The following SIPA1 variants were observed in gnomAD, a reference collection of about 807,000 sequenced individuals.
The protein encoded by SIPA1 is signal-induced proliferation-associated protein 1.
A neutral mutation model predicts 88.1 loss-of-function variants in SIPA1; 51 were observed. The observed-to-expected ratio is 0.58, with a 90% CI of 0.46 to 0.73. The LOEUF is 0.73. Among genes scored for constraint, SIPA1 ranks in the 30% least tolerant of loss-of-function variants. The pLI is 0.00. For synonymous variants in SIPA1, 681 were observed against 664.8 expected, an observed-to-expected ratio of 1.02 and a Z score of -0.37; for missense variants, 1,348 against 1,467.6, an observed-to-expected ratio of 0.92 and a Z score of 1.33.
At position 65,646,233 on chromosome 11, in the gene SIPA1, C is replaced by A. The variant is rs765842608; in HGVS notation, c.1276C>A (p.Arg426Ser). 3.7e-6 allele frequency: 6 copies of A among 1,613,928 alleles called. No homozygotes were observed. Among genetic ancestry groups the A allele is most frequent in the Non-Finnish European group, 5.1e-6 (6 of 1,179,998 alleles). The change falls in exon 7 of 16, where the codon CGC (arginine) becomes AGC (serine). Residue 426 changes from arginine (R) to serine (S), a missense_variant. Physicochemically the swap from Arg to Ser is moderately radical, Grantham distance 110 (BLOSUM62 -1). Around this residue, in one of 4 missense-constraint regions of SIPA1, gnomAD observed 641 missense variants for 797.7 expected, o/e 0.80. Coordinates refer to ENST00000534313, the MANE Select transcript of SIPA1 (RefSeq NM_006747.4). The surrounding 1 kb of genome is among the most constrained non-coding windows in gnomAD (Gnocchi z 7.5). ...ATCCAACCCCTAGCTCCTCCGGAAG[C>A]GCCACATTGGCAACGACATTGTGAC... ...PNNQQQLLRKRHIGNDIVTIV... is the reference protein window; with the variant it reads ...PNNQQQLLRKSHIGNDIVTIV...
Position 65,647,093 on chromosome 11 carries a change from C to T in SIPA1, c.2031+28C>T, listed in dbSNP as rs1397613889. On this transcript the variant is annotated intron_variant, in intron 8 of 15. Transcript: ENST00000534313. Reference sequence around the variant, plus strand: ...GAGCTGGAGTGGTAAACTGGGGCCCCTGCGCGCGGCGGGGCGGAGCCTGCT... The same window carrying T: ...GAGCTGGAGTGGTAAACTGGGGCCCTTGCGCGCGGCGGGGCGGAGCCTGCT... 4 of 1,476,060 alleles carry T rather than the reference C, an allele frequency of 2.7e-6. No homozygotes were observed. In the African/African-American group the frequency reaches 4.3e-5, roughly 16 times the overall value. The allele number at this position is 1,476,060 out of a possible 1,614,324, so 91.4% of individuals were successfully genotyped here.
In SIPA1 at chr11:65,642,406, G is replaced by A. The variant is rs750304375; in HGVS notation, c.807+29G>A. 1.9e-6 allele frequency: 3 copies of A among 1,594,554 alleles called. No homozygotes were observed. The highest frequency in any genetic ancestry group is 1.1e-5 in the South Asian group (1 of 89,548). On this transcript the variant is annotated intron_variant, in intron 3 of 15. Coordinates refer to ENST00000534313, the MANE Select transcript of SIPA1 (RefSeq NM_006747.4). The surrounding 1 kb of genome is among the most constrained non-coding windows in gnomAD (Gnocchi z 6.5). Reference sequence around the variant, plus strand: ...GGCCGGGATCGCGGGATCAGGACGTGGGTTGCCTCCCCGACACCTTGTATG... The same window carrying A: ...GGCCGGGATCGCGGGATCAGGACGTAGGTTGCCTCCCCGACACCTTGTATG...
intron 5 of SIPA1, among the ~76,000 whole-genome samples, chr11:65,645,498 C>T (rs1266640767): frequency 1.3e-5 from 2 of 152,122 alleles, no homozygotes; most frequent in South Asian, 2.1e-4. Flanking sequence ...CTGCTTTTCA[C>T]TTTCCCAGCA....
At position 65,647,360 on chromosome 11, in the gene SIPA1, C is replaced by A. The variant is rs1430030783; in HGVS notation, c.2032-24C>A. 6.5e-6 allele frequency: 9 copies of A among 1,390,046 alleles called. No individual in the cohort carries two copies. The South Asian group carries it at 1.4e-4, about 22-fold the overall frequency. The allele number at this position is 1,390,046 out of a possible 1,614,324, so 86.1% of individuals were successfully genotyped here. On this transcript the variant is annotated intron_variant, in intron 8 of 15. Coordinates refer to ENST00000534313, the MANE Select transcript of SIPA1 (RefSeq NM_006747.4). ...CGGCCCCACCTCCCGGCAGCCCCGC[C>A]CACTCGTCCCGCCCCGTCCGCAGCT...
In SIPA1 at chr11:65,642,624, A is replaced by G. The variant is rs1324345450; in HGVS notation, c.969A>G (p.Thr323=). 4 of 1,571,540 alleles carry G rather than the reference A, an allele frequency of 2.5e-6. No individual in the cohort carries two copies. The highest frequency in any genetic ancestry group is 3.4e-6 in the Non-Finnish European group (4 of 1,162,482). The change falls in exon 4 of 16, where the codon ACA becomes ACG. Residue 323 remains threonine, a synonymous_variant. Transcript: ENST00000534313. This position sits in a 1 kb window ranked among gnomAD's most constrained non-coding sequence, Gnocchi z 6.5. ...ASPKVPRTLL[T]LDEQVLSFQR... ...CCAAGGTACCACGGACGCTGCTCAC[A>G]CTGGATGAGCAAGTGGTGAGTGGCG...
rs1464445781 is a variant in SIPA1 at position 65,646,966 on chromosome 11, G to T, written c.1932G>T (p.Glu644Asp). The stretch of plus-strand genomic sequence containing the variant: ...ACGTGCTGGCCTGGACCTTCTCCGA[G>T]CAGCAGCTGGACCTGTACCACGGCC... ...CRDVLAWTFS[E>D]QQLDLYHGRG... is the part of the protein sequence containing the mutation. Residue 644 changes from glutamate (E) to aspartate (D), a missense_variant, in exon 8 of 16, where the codon GAG becomes GAT. Glu to Asp is a conservative substitution (Grantham distance 45). Around this residue, in one of 4 missense-constraint regions of SIPA1, gnomAD observed 615 missense variants for 559.8 expected, o/e 1.10. Transcript: ENST00000534313. The surrounding 1 kb of genome is among the most constrained non-coding windows in gnomAD (Gnocchi z 7.5). 6.5e-7 allele frequency: 1 copy of T among 1,540,006 alleles called. No individual in the cohort carries two copies. The highest frequency in any genetic ancestry group is 2.4e-5 in the East Asian group (1 of 41,328).
intron 14 of SIPA1, 33 bp from the exon 15 acceptor site, chr11:65,650,368 G>A: frequency 6.2e-7 from 1 of 1,608,236 alleles, no homozygotes; most frequent in Non-Finnish European, 8.5e-7. Flanking sequence ...CCCCTGCCTT[G>A]GTCCTGCTGA....
rs899668267 is a variant in SIPA1, at chr11:65,640,871, A to G, written c.-51A>G. The G allele has an allele frequency of 7.1e-7, 1 of 1,411,032 alleles. No individual in the cohort carries two copies. Among genetic ancestry groups the G allele is most frequent in the African/African-American group, 1.5e-5 (1 of 67,934 alleles). The allele number at this position is 1,411,032 out of a possible 1,614,324, so 87.4% of individuals were successfully genotyped here. ...CACAACCTCAGGCTGGGCACCAAAC[A>G]CCCGTGCCCGCCAATGCGGCCCAGC... is the stretch of plus-strand genomic sequence containing the variant. On this transcript the variant is annotated 5_prime_UTR_variant, in exon 2 of 16. Coordinates refer to ENST00000534313, the MANE Select transcript of SIPA1 (RefSeq NM_006747.4).
chr11:65,641,070 T>C lies in SIPA1; in HGVS notation c.149T>C (p.Leu50Pro). The C allele has an allele frequency of 1.3e-6, 2 of 1,599,248 alleles. No homozygotes were observed. The highest frequency in any genetic ancestry group is 1.7e-6 in the Non-Finnish European group (2 of 1,177,250). The part of the protein sequence containing the change: ...TFEPRPVRGP[L>P]LRSGSDAGEA... ...GAGCCGAGGCCAGTCCGGGGCCCACTCCTGCGCAGCGGCAGCGATGCAGGC... is the reference window on the plus strand; with the variant it reads ...GAGCCGAGGCCAGTCCGGGGCCCACCCCTGCGCAGCGGCAGCGATGCAGGC... The change falls in exon 2 of 16, where the codon CTC becomes CCC. Residue 50 changes from leucine to proline, a missense_variant. This residue lies in a region of SIPA1 where 641 missense variants were observed against 797.7 expected (regional missense o/e 0.80). Coordinates refer to ENST00000534313, the MANE Select transcript of SIPA1 (RefSeq NM_006747.4).
chr11:65,649,193 G>T (rs553564867), intron 9 of SIPA1, 69 bp from the exon 10 acceptor site: 1 of 1,143,524 alleles, frequency 8.7e-7, no homozygotes, highest in Non-Finnish European at 1.2e-6. Flanking sequence ...TGGCGGGCTG[G>T]GGGTGGGGCT....
rs72550756 is a variant in SIPA1, at chr11:65,650,038, G to A, written c.2835G>A (p.Ser945=). The stretch of plus-strand genomic sequence containing the variant: ...CTACTTGCAACACCATTCTGGAGTC[G>A]CTGTCCCGAGAGGGTGAGGCCACCA... ...IASTCNTILE[S]LSREGQPIPE... is the part of the protein sequence containing the mutation. Residue 945 remains serine, a synonymous_variant, in exon 13 of 16, where the codon TCG becomes TCA. Coordinates refer to ENST00000534313, the MANE Select transcript of SIPA1 (RefSeq NM_006747.4). 3.9e-4 allele frequency: 631 copies of A among 1,613,934 alleles called. 1 individual carries two copies. The African/African-American group carries it at 7.6e-3, about 19-fold the overall frequency.
At chr11:65,645,750 T>A in intron 5 of SIPA1, 104 bp from the exon 6 acceptor site, 2 of 697,418 alleles carry the variant, frequency 2.9e-6, no homozygotes, top group Non-Finnish European at 4.8e-6. Context: ...GTCCACCTGC[T>A]GTTTGGGGCA....
chr11:65,641,106 C>A lies in SIPA1; in HGVS notation c.185C>A (p.Pro62His), dbSNP rs1187078051. 1 of 1,601,018 alleles carries A rather than the reference C, an allele frequency of 6.2e-7. No homozygotes were observed. Among genetic ancestry groups the A allele is most frequent in the Admixed American group, 1.7e-5 (1 of 59,828 alleles). The change falls in exon 2 of 16, where the codon CCC becomes CAC. Residue 62 changes from proline (P) to histidine (H), a missense_variant. Coordinates refer to ENST00000534313, the MANE Select transcript of SIPA1 (RefSeq NM_006747.4). ...RSGSDAGEARPPTPASPRARA... is the reference protein window; with the variant it reads ...RSGSDAGEARHPTPASPRARA... Reference sequence around the variant, plus strand: ...GGCAGCGATGCAGGCGAGGCCAGGCCCCCCACGCCAGCCAGCCCCCGTGCC... The same window carrying A: ...GGCAGCGATGCAGGCGAGGCCAGGCACCCCACGCCAGCCAGCCCCCGTGCC...
Position 65,642,234 on chromosome 11 carries a change from C to T in SIPA1, c.680-16C>T. On this transcript the variant is annotated splice_polypyrimidine_tract_variant and intron_variant, in intron 2 of 15. Transcript: ENST00000534313. This position sits in a 1 kb window ranked among gnomAD's most constrained non-coding sequence, Gnocchi z 6.5. ...AGAGGGCGGGACCAATCGTTTTCTT[C>T]GGCGCGGTCCCCCAGAACATCAGAA... 1 of 1,549,492 alleles carries T rather than the reference C, an allele frequency of 6.5e-7. No individual in the cohort carries two copies. The highest frequency in any genetic ancestry group is 8.7e-7 in the Non-Finnish European group (1 of 1,147,578).
chr11:65,642,515 C>T lies in SIPA1; in HGVS notation c.860C>T (p.Pro287Leu). The change falls in exon 4 of 16, where the codon CCA (proline) becomes CTA (leucine). Residue 287 changes from proline to leucine, a missense_variant. Physicochemically the swap from Pro to Leu is moderately conservative, Grantham distance 98 (BLOSUM62 -3). Coordinates refer to ENST00000534313, the MANE Select transcript of SIPA1 (RefSeq NM_006747.4). This position sits in a 1 kb window ranked among gnomAD's most constrained non-coding sequence, Gnocchi z 6.5. ...GAGGACGCGCTGCCGCCGGGGCCCC[C>T]ACGGGGTCTGTCCCCAAGGAAACTT... is the stretch of plus-strand genomic sequence containing the variant. ...ISEDALPPGPPRGLSPRKLLE... is the reference protein window; with the variant it reads ...ISEDALPPGPLRGLSPRKLLE... 1 of 1,609,760 alleles carries T rather than the reference C, an allele frequency of 6.2e-7. No homozygotes were observed. Among genetic ancestry groups the T allele is most frequent in the Non-Finnish European group, 8.5e-7 (1 of 1,179,404 alleles).
chr11:65,642,281 G>T lies in SIPA1; in HGVS notation c.711G>T (p.Ser237=). The T allele has an allele frequency of 6.4e-7, 1 of 1,554,412 alleles. No individual in the cohort carries two copies. Among genetic ancestry groups the T allele is most frequent in the Non-Finnish European group, 8.7e-7 (1 of 1,150,774 alleles). Reference sequence around the variant, plus strand: ...AGAACTTCTTCGGGATGGACGAGTCGCTGGGCCCGGTGGCAGTGAGCCTGC... The same window carrying T: ...AGAACTTCTTCGGGATGGACGAGTCTCTGGGCCCGGTGGCAGTGAGCCTGC... ...EHQNFFGMDE[S]LGPVAVSLRR... The change falls in exon 3 of 16, where the codon TCG becomes TCT. Residue 237 remains serine (S), a synonymous_variant. Coordinates refer to ENST00000534313, the MANE Select transcript of SIPA1 (RefSeq NM_006747.4). This position sits in a 1 kb window ranked among gnomAD's most constrained non-coding sequence, Gnocchi z 6.5.
chr11:65,644,996 G>A lies in SIPA1; in HGVS notation c.1026G>A (p.Ala342=), dbSNP rs2306364. The A allele has an allele frequency of 0.41, 662,882 of 1,613,408 alleles. 139,988 individuals are homozygous for A. The highest frequency in any genetic ancestry group is 0.51 in the South Asian group (46,182 of 91,066). Reference sequence around the variant, plus strand: ...AGGTGGGCATCCTGTACTGCCGGGCGGGCCAGGGCTCGGAGGAGGAGATGT... The same window carrying A: ...AGGTGGGCATCCTGTACTGCCGGGCAGGCCAGGGCTCGGAGGAGGAGATGT... ...QRKVGILYCR[A]GQGSEEEMYN... is the part of the protein sequence containing the mutation. The change falls in exon 5 of 16, where the codon GCG becomes GCA. Residue 342 remains alanine, a synonymous_variant. Coordinates refer to ENST00000534313, the MANE Select transcript of SIPA1 (RefSeq NM_006747.4).
rs781389238 is a variant in SIPA1, at chr11:65,649,779, G to A, written c.2660G>A (p.Gly887Asp). The change falls in exon 12 of 16, where the codon GGC becomes GAC. Residue 887 changes from glycine (G) to aspartate (D), a missense_variant. Physicochemically the swap from Gly to Asp is moderately conservative, Grantham distance 94. Around this residue, in one of 4 missense-constraint regions of SIPA1, gnomAD observed 615 missense variants for 559.8 expected, o/e 1.10. Coordinates refer to ENST00000534313, the MANE Select transcript of SIPA1 (RefSeq NM_006747.4). ...CAGGACAGGCCAGGCAGTCCCAGTG[G>A]CTCTGAGGACAAGGGCAACCCGGCG... ...LTQDRPGSPS[G>D]SEDKGNPAPE... 9.9e-6 allele frequency: 16 copies of A among 1,614,062 alleles called. No individual in the cohort carries two copies. Among genetic ancestry groups the A allele is most frequent in the Admixed American group, 1.7e-5 (1 of 60,022 alleles).
At position 65,646,699 on chromosome 11, in the gene SIPA1, C is replaced by T. The variant is rs753457567; in HGVS notation, c.1665C>T (p.Phe555=). The T allele has an allele frequency of 3.9e-5, 60 of 1,540,666 alleles. No homozygotes were observed. Among genetic ancestry groups the T allele is most frequent in the South Asian group, 2.4e-4 (20 of 84,000 alleles). The stretch of plus-strand genomic sequence containing the variant: ...CGTCGCTGGACTCGGCTTCACGCTT[C>T]GGCCTGCCCTCCCTGGGTGGGAGGC... The part of the protein sequence containing the change: ...TTTSLDSASR[F]GLPSLGGRRR... Residue 555 remains phenylalanine, a synonymous_variant, in exon 8 of 16, where the codon TTC becomes TTT. Coordinates refer to ENST00000534313, the MANE Select transcript of SIPA1 (RefSeq NM_006747.4). This position sits in a 1 kb window ranked among gnomAD's most constrained non-coding sequence, Gnocchi z 7.5.
Sources: allele counts gnomAD v4.1 joint callset (sites outside exome capture counted in the v4.1 genomes callset), GRCh38; gene constraint gnomAD v4.1.1; regional missense constraint gnomAD v4.1.1; non-coding constraint Gnocchi (gnomAD v3.1); transcripts MANE v1.5; gene names NCBI Gene and HGNC (gene_info 2026-07-23, HGNC 2026-07-21).